Variants in MAD1L1 observed in about 807,000 individuals in gnomAD.
The protein encoded by MAD1L1 is mitotic arrest deficient 1 like 1, also known as mitotic spindle assembly checkpoint protein MAD1.
In MAD1L1, 95 loss-of-function variants were observed where a neutral mutation model predicts 96.9. That is an observed-to-expected ratio of 0.98 (90% CI 0.83 to 1.16). The LOEUF (loss-of-function observed/expected upper bound fraction) is 1.16. MAD1L1 is among the 50% of genes most tolerant of loss of function. MAD1L1 has a pLI of 0.00. For missense variants in MAD1L1, 1,007 were observed against 954.4 expected (o/e 1.06, Z -0.73); for synonymous variants, 473 against 396.6 (o/e 1.19, Z -2.29).
At chr7:1,895,255 T>C (rs1403313691) in intron 18 of MAD1L1, among the ~76,000 whole-genome samples, 1 of 152,220 alleles carries the variant, frequency 6.6e-6, no homozygotes, top group Non-Finnish European at 1.5e-5. Context: ...AGGTGGGGTC[T>C]TGGCAACCAT....
At chr7:1,858,074 T>C (rs111963823) in intron 18 of MAD1L1, among the ~76,000 whole-genome samples, 3,379 of 152,358 alleles carry the variant, frequency 0.022, 133 homozygotes, top group African/African-American at 0.077. Flanking sequence ...CACGTTTCCA[T>C]GTGACTGCTT....
At chr7:1,918,471 C>A (rs1463398293) in intron 17 of MAD1L1, among the ~76,000 whole-genome samples, 1 of 152,178 alleles carries the variant, frequency 6.6e-6, no homozygotes, top group Admixed American at 6.5e-5. Flanking sequence ...CCGCACTGCC[C>A]AGGAGCTCCG....
intron 12 of MAD1L1, among the ~76,000 whole-genome samples, chr7:2,029,401 G>C (rs1432233243): frequency 6.6e-6 from 1 of 152,162 alleles, no homozygotes; most frequent in Non-Finnish European, 1.5e-5. Flanking sequence ...AGGGCTTTGG[G>C]GGAGGTGGAG....
intron 12 of MAD1L1, among the ~76,000 whole-genome samples, chr7:2,060,266 C>CGCCGATGCCGAGATACGCCGAT (rs1562648068): frequency 4.8e-5 from 7 of 146,938 alleles, no homozygotes; most frequent in Non-Finnish European, 7.6e-5. Context: ...TGCCGAGATA[C>CGCCGATGCCGAGATACGCCGAT]GCCGATGCCG....
At chr7:1,872,080 G>C (rs1200938922) in intron 18 of MAD1L1, among the ~76,000 whole-genome samples, 1 of 152,168 alleles carries the variant, frequency 6.6e-6, no homozygotes, top group East Asian at 1.9e-4. Context: ...GCCCAGTCCA[G>C]GCCCCAGGCC....
At position 1,847,568 on chromosome 7, in the gene MAD1L1, C is replaced by T. The variant is rs142558458; in HGVS notation, c.1999-31340G>A. The T allele has an allele frequency of 2.9e-3, 1,351 of 471,106 alleles. 14 individuals carry two copies. Among genetic ancestry groups the T allele is most frequent in the Middle Eastern group, 0.013 (39 of 3,078 alleles). The allele number at this position is 471,106 out of a possible 1,614,324, so 29.2% of individuals were successfully genotyped here. On this transcript the variant is annotated intron_variant, in intron 18 of 18. Coordinates refer to ENST00000265854, the MANE Select transcript of MAD1L1 (RefSeq NM_001013836.2). ...CCTGGCACTGTCCAGCAGCTGCCTT[C>T]GGCCCATGTTCTGAAACCGGGATGC...
chr7:2,067,578 G>A (rs1784935039), intron 12 of MAD1L1, among the ~76,000 whole-genome samples: 1 of 152,072 alleles, frequency 6.6e-6, no homozygotes, highest in Non-Finnish European at 1.5e-5. Context: ...GCACTTGCCT[G>A]AACCCCCGCA....
At chr7:1,913,741 C>T (rs989033972) in intron 17 of MAD1L1, among the ~76,000 whole-genome samples, 3 of 152,130 alleles carry the variant, frequency 2.0e-5, no homozygotes, top group African/African-American at 7.2e-5. Context: ...AGCAGCTGGT[C>T]GGGGACACAG....
intron 18 of MAD1L1, among the ~76,000 whole-genome samples, chr7:1,858,441 C>A (rs926784090): frequency 3.2e-4 from 48 of 152,246 alleles, no homozygotes; most frequent in African/African-American, 1.2e-3. Flanking sequence ...CTCCCTTCCA[C>A]CCAGGGGCTC....
chr7:1,823,263 T>G (rs1432567058), intron 18 of MAD1L1, among the ~76,000 whole-genome samples: 1 of 152,052 alleles, frequency 6.6e-6, no homozygotes, highest in Non-Finnish European at 1.5e-5. Flanking sequence ...AAAATTTAAC[T>G]CAAACTGTAT....
In MAD1L1 at chr7:2,119,166, C is replaced by G. The variant is rs1787858737; in HGVS notation, c.1073+29986G>C. 6.6e-6 allele frequency among the ~76,000 whole-genome samples: 1 copy of G among 152,112 alleles called. No individual in the cohort carries two copies. The highest frequency in any genetic ancestry group is 1.5e-5 in the Non-Finnish European group (1 of 68,022). ...AGCAAGAAGGTTCAGGCCAGGCAGC[C>G]TGGACTCCTGCTGTGTTTCATCTAC... On this transcript the variant is annotated intron_variant, in intron 11 of 18. Coordinates refer to ENST00000265854, the MANE Select transcript of MAD1L1 (RefSeq NM_001013836.2). This position sits in a 1 kb window ranked among gnomAD's most constrained non-coding sequence, Gnocchi z 4.6.
chr7:1,830,124 C>T (rs556932211), intron 18 of MAD1L1, among the ~76,000 whole-genome samples: 21 of 152,314 alleles, frequency 1.4e-4, no homozygotes, highest in East Asian at 9.6e-4. Flanking sequence ...CAGGCCAGGC[C>T]GGTGGCTCAC....
intron 10 of MAD1L1, among the ~76,000 whole-genome samples, chr7:2,169,462 GA>G (rs565316785): frequency 2.0e-5 from 3 of 150,360 alleles, no homozygotes; most frequent in East Asian, 1.9e-4. Flanking sequence ...TCTTTACTTG[GA>G]AAAAAAAAAT....
intron 11 of MAD1L1, among the ~76,000 whole-genome samples, chr7:2,092,090 T>C (rs986153550): frequency 3.3e-5 from 5 of 152,172 alleles, no homozygotes; most frequent in African/African-American, 1.2e-4. Flanking sequence ...TGGCACCATT[T>C]TGCACTCCTC....
chr7:1,838,846 C>G (rs528688074), intron 18 of MAD1L1: 48 of 471,292 alleles, frequency 1.0e-4, no homozygotes, highest in Non-Finnish European at 1.7e-4. Context: ...AGTCCCTGGC[C>G]GAGAAGAAGG....
intron 17 of MAD1L1, among the ~76,000 whole-genome samples, chr7:1,918,505 T>TG (rs1042185867): frequency 1.3e-5 from 2 of 152,060 alleles, no homozygotes; most frequent in Admixed American, 6.5e-5. Context: ...GTCCACGGCA[T>TG]GGGGGGCGCC....
At chr7:1,979,296 C>G (rs963239953) in intron 15 of MAD1L1, among the ~76,000 whole-genome samples, 1 of 152,346 alleles carries the variant, frequency 6.6e-6, no homozygotes, top group Non-Finnish European at 1.5e-5. Flanking sequence ...GTCCCCTGTT[C>G]TCAGTTCCTC....
At chr7:2,158,362 G>A (rs866615068) in intron 10 of MAD1L1, among the ~76,000 whole-genome samples, 2 of 152,170 alleles carry the variant, frequency 1.3e-5, no homozygotes, top group Admixed American at 6.5e-5. Flanking sequence ...AGAGGACTCC[G>A]AGGTGGAAAA....
chr7:1,968,719 C>T lies in MAD1L1; in HGVS notation c.1506-11000G>A, dbSNP rs999732781. Among the ~76,000 whole-genome samples, 1 of 152,226 alleles carries T rather than the reference C, an allele frequency of 6.6e-6. No individual in the cohort carries two copies. Among genetic ancestry groups the T allele is most frequent in the African/African-American group, 2.4e-5 (1 of 41,452 alleles). The stretch of plus-strand genomic sequence containing the variant: ...GGACTTGTCGTCTGTGATCTTCCTT[C>T]CAAAAACCACCATCTCAGGTTAACA... On this transcript the variant is annotated intron_variant, in intron 15 of 18. Transcript: ENST00000265854. The surrounding 1 kb of genome is among the most constrained non-coding windows in gnomAD (Gnocchi z 5.6).
Sources: allele counts gnomAD v4.1 joint callset (sites outside exome capture counted in the v4.1 genomes callset), GRCh38; gene constraint gnomAD v4.1.1; non-coding constraint Gnocchi (gnomAD v3.1); transcripts MANE v1.5; gene names NCBI Gene and HGNC (gene_info 2026-07-23, HGNC 2026-07-21).